The following CACNA1B variants were observed in gnomAD, a reference collection of about 807,000 sequenced individuals.
CACNA1B encodes the protein calcium voltage-gated channel subunit alpha1 B.
In CACNA1B, 70 loss-of-function variants were observed where a neutral mutation model predicts 247.2. The ratio of observed to expected loss-of-function variants is 0.28; its 90% CI spans 0.23 to 0.35. The LOEUF is 0.35. CACNA1B is among the 10% of genes least tolerant of loss of function. The pLI, the probability that CACNA1B is intolerant of heterozygous loss-of-function variation, is 1.00. For missense variants in CACNA1B, 2,367 were observed against 3,197.4 expected (o/e 0.74, Z 6.26); for synonymous variants, 1,231 against 1,294.4 (o/e 0.95, Z 1.05).
chr9:137,955,135 C>T lies in CACNA1B; in HGVS notation c.1071-563C>T, dbSNP rs905286419. On this transcript the variant is annotated intron_variant, in intron 7 of 46. Coordinates refer to ENST00000371372, the MANE Select transcript of CACNA1B (RefSeq NM_000718.4). This position sits in a 1 kb window ranked among gnomAD's most constrained non-coding sequence, Gnocchi z 6.9. The stretch of plus-strand genomic sequence containing the variant: ...CTCAGAGGCTTGGTTGAGGAGGCTA[C>T]GTGGACTCTGCGGTATTACCCTTCT... 2.6e-5 allele frequency among the ~76,000 whole-genome samples: 4 copies of T among 152,090 alleles called. No homozygotes were observed. Among genetic ancestry groups the T allele is most frequent in the African/African-American group, 4.8e-5 (2 of 41,400 alleles).
chr9:138,110,091 T>C (rs1961569594), intron 39 of CACNA1B, among the ~76,000 whole-genome samples: 1 of 147,130 alleles, frequency 6.8e-6, no homozygotes. Flanking sequence ...ACAGCAAAAC[T>C]TTTGCTATAT....
intron 3 of CACNA1B, chr9:137,892,055 C>A (rs1216972359): frequency 1.3e-5 from 6 of 457,334 alleles, no homozygotes; most frequent in Non-Finnish European, 2.6e-5. Flanking sequence ...CACTCCCACC[C>A]CTTCTTCCCC....
intron 36 of CACNA1B, among the ~76,000 whole-genome samples, chr9:138,096,107 T>G (rs897350201): frequency 8.5e-5 from 13 of 152,134 alleles, no homozygotes; most frequent in Non-Finnish European, 1.9e-4. Context: ...TTGTGGGACT[T>G]TAAACTTAAT....
In CACNA1B at chr9:138,022,805, TGG is replaced by T. The variant is rs71387879; in HGVS notation, c.2268-195_2268-194del. On this transcript the variant is annotated intron_variant, in intron 18 of 46. Transcript: ENST00000371372. ...ACCTTGCGGGTCCTGTGGGACACCG[TGG>T]GGGGGGGGGGCGGCGGGGCTGAATT... 0.32 allele frequency among the ~76,000 whole-genome samples: 41,776 copies of T among 132,196 alleles called. 8,080 individuals carry two copies. The highest frequency in any genetic ancestry group is 0.64 in the East Asian group (3,074 of 4,828). The allele number at this position is 132,196 out of a possible 152,430, so 86.7% of individuals were successfully genotyped here.
rs1441509931 is a variant in CACNA1B, at chr9:138,012,726, AAACAAAT to A, written c.2161-396_2161-390del. Among the ~76,000 whole-genome samples the A allele has an allele frequency of 6.6e-6, 1 of 151,932 alleles. No homozygotes were observed. The highest frequency in any genetic ancestry group is 1.5e-5 in the Non-Finnish European group (1 of 67,964). On this transcript the variant is annotated intron_variant, in intron 17 of 46. Transcript: ENST00000371372. This position sits in a 1 kb window ranked among gnomAD's most constrained non-coding sequence, Gnocchi z 4.2. ...GAGACCCTGTCTCTAAAAAAAAAAA[AAACAAAT>A]AACAAAAAACAAAACAAACAAATGG... is the stretch of plus-strand genomic sequence containing the variant.
chr9:137,918,288 C>T (rs568231134), intron 6 of CACNA1B, among the ~76,000 whole-genome samples: 1 of 152,034 alleles, frequency 6.6e-6, no homozygotes, highest in African/African-American at 2.4e-5. Flanking sequence ...CCCATCCCCC[C>T]ACCACCGACT....
At chr9:137,911,446 C>T (rs1198246346) in intron 3 of CACNA1B, among the ~76,000 whole-genome samples, 7 of 152,146 alleles carry the variant, frequency 4.6e-5, no homozygotes, top group East Asian at 3.8e-4. Context: ...GTCGGAGTCT[C>T]GCTCTGTAGC....
In CACNA1B at chr9:138,023,245, C is replaced by T. The variant is rs1011339578; in HGVS notation, c.2502C>T (p.Ala834=). 2.6e-6 allele frequency: 4 copies of T among 1,513,854 alleles called. No homozygotes were observed. The highest frequency in any genetic ancestry group is 3.5e-6 in the Non-Finnish European group (4 of 1,139,502). The allele number at this position is 1,513,854 out of a possible 1,614,324, so 93.8% of individuals were successfully genotyped here. A position where few individuals can be genotyped will look rare whatever the true frequency, so the allele number is the denominator to read the frequency against. Residue 834 remains alanine (A), a synonymous_variant, in exon 19 of 47, where the codon GCC becomes GCT. Coordinates refer to ENST00000371372, the MANE Select transcript of CACNA1B (RefSeq NM_000718.4). ...CGCGGGGGCCCGTGGGAGGCAAAGCCCGACCTGAGGCTGCGGAGGCCCCCG... is the reference window on the plus strand; with the variant it reads ...CGCGGGGGCCCGTGGGAGGCAAAGCTCGACCTGAGGCTGCGGAGGCCCCCG... ...DGARGPVGGK[A]RPEAAEAPEG...
At chr9:138,114,350 G>A (rs371370647) in intron 40 of CACNA1B, 28 bp from the exon 41 acceptor site, 4 of 1,202,446 alleles carry the variant, frequency 3.3e-6, no homozygotes, top group Non-Finnish European at 2.4e-6. Context: ...CCCCTTCTCC[G>A]AATCTCAACT....
rs181701580 is a variant in CACNA1B at position 138,011,998 on chromosome 9, C to T, written c.2161-1131C>T. Among the ~76,000 whole-genome samples, 4 of 152,282 alleles carry T rather than the reference C, an allele frequency of 2.6e-5. No individual in the cohort carries two copies. Among genetic ancestry groups the T allele is most frequent in the Admixed American group, 2.6e-4 (4 of 15,302 alleles). ...TGGTCTCAGCCGAGAACTATTGATC[C>T]GGAACCCAGGTGCCGAGCATGTTGG... is the stretch of plus-strand genomic sequence containing the variant. On this transcript the variant is annotated intron_variant, in intron 17 of 46. Transcript: ENST00000371372. The surrounding 1 kb of genome is among the most constrained non-coding windows in gnomAD (Gnocchi z 4.2).
intron 15 of CACNA1B, among the ~76,000 whole-genome samples, chr9:137,995,569 C>T (rs1441148217): frequency 2.6e-5 from 4 of 152,144 alleles, no homozygotes; most frequent in African/African-American, 9.7e-5. Flanking sequence ...GAGCTGAAAC[C>T]ATAACAATTA....
Position 138,052,249 on chromosome 9 carries a change from C to CGTGTGTGCGT in CACNA1B, c.3807+68_3807+69insCGTGTGTGTG, listed in dbSNP as rs56929123. On this transcript the variant is annotated intron_variant, in intron 25 of 46. Coordinates refer to ENST00000371372, the MANE Select transcript of CACNA1B (RefSeq NM_000718.4). This position sits in a 1 kb window ranked among gnomAD's most constrained non-coding sequence, Gnocchi z 5.1. ...GTGTGTGTGTGCGTGTGTGTGTGTG[C>CGTGTGTGCGT]GTGTGTGTGTGTGTATGCATGCAGT... 1,455 of 778,372 alleles carry CGTGTGTGCGT rather than the reference C, an allele frequency of 1.9e-3. 19 individuals are homozygous for CGTGTGTGCGT. Among genetic ancestry groups the CGTGTGTGCGT allele is most frequent in the African/African-American group, 0.017 (968 of 56,210 alleles). 48.2% of individuals were successfully genotyped at this position (778,372 alleles called of 1,614,324 possible).
At chr9:137,884,862 C>T (rs1262198101) in intron 3 of CACNA1B, among the ~76,000 whole-genome samples, 4 of 149,654 alleles carry the variant, frequency 2.7e-5, no homozygotes, top group Non-Finnish European at 1.5e-5. Context: ...CAGGGCTGCT[C>T]CTCCTTCCCC....
rs986300846 is a variant in CACNA1B, at chr9:138,074,132, G to A, written c.4857+66G>A. ...CCGTGCCCTGGAGCAGAGGGGCACT[G>A]ATCATGATTGTCAAATCATCGTCAT... On this transcript the variant is annotated intron_variant, in intron 34 of 46. Transcript: ENST00000371372. The A allele has an allele frequency of 1.2e-5, 13 of 1,059,346 alleles. No individual in the cohort carries two copies. The South Asian group carries it at 1.6e-4, about 13-fold the overall frequency. The allele number at this position is 1,059,346 out of a possible 1,614,324, so 65.6% of individuals were successfully genotyped here.
rs1957521372 is a variant in CACNA1B, at chr9:137,923,999, A to G, written c.966+6568A>G. Reference sequence around the variant, plus strand: ...GTTTGAATTGTTCTTTATATATTCTAGGAACTGGTTCTTTGTCATATATAT... The same window carrying G: ...GTTTGAATTGTTCTTTATATATTCTGGGAACTGGTTCTTTGTCATATATAT... On this transcript the variant is annotated intron_variant, in intron 6 of 46. Transcript: ENST00000371372. Among the ~76,000 whole-genome samples, 3 of 152,150 alleles carry G rather than the reference A, an allele frequency of 2.0e-5. No individual in the cohort carries two copies. In the South Asian group the frequency reaches 6.2e-4, roughly 32 times the overall value.
chr9:138,009,593 G>A (rs1373814898), intron 16 of CACNA1B, among the ~76,000 whole-genome samples: 1 of 152,224 alleles, frequency 6.6e-6, no homozygotes, highest in African/African-American at 2.4e-5. Flanking sequence ...TGTTTGTGGG[G>A]AGGCTTCTTG....
chr9:137,879,144 C>T lies in CACNA1B; in HGVS notation c.375C>T (p.Pro125=). The T allele has an allele frequency of 1.2e-6, 2 of 1,609,546 alleles. No individual in the cohort carries two copies. The highest frequency in any genetic ancestry group is 2.7e-5 in the African/African-American group (2 of 75,032). The change falls in exon 2 of 47, where the codon CCC becomes CCT. Residue 125 remains proline, a synonymous_variant. Coordinates refer to ENST00000371372, the MANE Select transcript of CACNA1B (RefSeq NM_000718.4). ...EQHLPDGDKT[P]MSERLDDTEP... The stretch of plus-strand genomic sequence containing the variant: ...ACCTCCCTGATGGGGACAAAACGCC[C>T]ATGTCCGAGCGGCTGGTGAGTGCCC...
Position 137,889,719 on chromosome 9 carries a change from G to A in CACNA1B, c.530+6836G>A, listed in dbSNP as rs866901869. 4.7e-5 allele frequency among the ~76,000 whole-genome samples: 7 copies of A among 149,186 alleles called. 1 individual carries two copies. The highest frequency in any genetic ancestry group is 1.7e-4 in the African/African-American group (7 of 41,192). On this transcript the variant is annotated intron_variant, in intron 3 of 46. Coordinates refer to ENST00000371372, the MANE Select transcript of CACNA1B (RefSeq NM_000718.4). ...CCCATCGGGCCTCCATGTCCGTGGG[G>A]ACAGGCCTGGCAGCCATGCTGGGGA...
At position 138,049,200 on chromosome 9, in the gene CACNA1B, C is replaced by T. The variant is rs563584578; in HGVS notation, c.3604-9C>T. ...TATGACGTATCTAACGTGTGTTTCT[C>T]CCTCCTAGATGATCGACTTGGGACT... On this transcript the variant is annotated splice_polypyrimidine_tract_variant and intron_variant, in intron 23 of 46. Coordinates refer to ENST00000371372, the MANE Select transcript of CACNA1B (RefSeq NM_000718.4). The T allele has an allele frequency of 3.8e-6, 6 of 1,567,184 alleles. No homozygotes were observed. In the African/African-American group the frequency reaches 6.7e-5, roughly 18 times the overall value.
Sources: gnomAD v4.1 joint callset for allele counts (sites outside exome capture counted in the v4.1 genomes callset) on GRCh38, gnomAD v4.1.1 for gene constraint, Gnocchi (gnomAD v3.1) non-coding constraint, MANE v1.5 for transcripts, NCBI Gene and HGNC (gene_info 2026-07-23, HGNC 2026-07-21) for gene names.